The following EXOC4 variants were observed in gnomAD, a reference collection of about 807,000 sequenced individuals.
The protein encoded by EXOC4 is exocyst complex component 4, also known as SEC8-like 1.
Under a neutral mutation model 107.2 loss-of-function variants are expected in EXOC4, and 71 were observed. The observed-to-expected ratio is 0.66, with a 90% confidence interval of 0.55 to 0.81. The LOEUF is 0.81. Ranked by LOEUF, EXOC4 falls within the 30% of genes least tolerant of loss-of-function variation. The pLI is 0.00. For missense variants in EXOC4, 1,108 were observed against 1,189.6 expected, an observed-to-expected ratio of 0.93 and a Z score of 1.01; for synonymous variants, 456 against 441.2, an observed-to-expected ratio of 1.03 and a Z score of -0.42.
chr7:133,576,563 G>A, intron 9 of EXOC4: 1 of 1,289,752 alleles, frequency 7.8e-7, no homozygotes, highest in Non-Finnish European at 1.0e-6. Context: ...CAAAGGAGAG[G>A]ATCCCAATAA....
chr7:134,070,923 A>G (rs6957534), downstream of EXOC4, among the ~76,000 whole-genome samples: 4,557 of 152,306 alleles, frequency 0.03, 198 homozygotes, highest in African/African-American at 0.095. Flanking sequence ...CAGAAAACCC[A>G]GCAATCTTCT....
intron 7 of EXOC4, among the ~76,000 whole-genome samples, chr7:133,436,793 CTTTA>C (rs1395764386): frequency 1.3e-5 from 2 of 152,162 alleles, no homozygotes; most frequent in East Asian, 3.8e-4. Context: ...TACCCTCCCC[CTTTA>C]TTTTAGCTTG....
intron 10 of EXOC4, among the ~76,000 whole-genome samples, chr7:133,738,455 G>T (rs765299566): frequency 5.3e-5 from 8 of 152,174 alleles, no homozygotes; most frequent in Non-Finnish European, 8.8e-5. Flanking sequence ...TTCCTTTGGA[G>T]AAGAGCTTTA....
chr7:133,638,497 T>C (rs1176788201), intron 10 of EXOC4, among the ~76,000 whole-genome samples: 1 of 152,202 alleles, frequency 6.6e-6, no homozygotes, highest in Non-Finnish European at 1.5e-5. Flanking sequence ...TCAAGGAGTA[T>C]AGTTGACTTC....
intron 9 of EXOC4, among the ~76,000 whole-genome samples, chr7:133,589,344 C>G (rs1275390343): frequency 1.3e-5 from 2 of 152,160 alleles, no homozygotes; most frequent in Non-Finnish European, 1.5e-5. Flanking sequence ...ATGCCCTGAG[C>G]ATCTCAAAAA....
intron 5 of EXOC4, among the ~76,000 whole-genome samples, chr7:133,333,497 G>T (rs777041200): frequency 3.9e-5 from 6 of 152,062 alleles, no homozygotes; most frequent in Non-Finnish European, 8.8e-5. Context: ...TGAACACATT[G>T]CTGCTGGTGT....
chr7:133,540,778 G>T (rs1800364919), intron 9 of EXOC4, among the ~76,000 whole-genome samples: 1 of 152,064 alleles, frequency 6.6e-6, no homozygotes, highest in Non-Finnish European at 1.5e-5. Flanking sequence ...AAAGCTAATA[G>T]CTTCCCATTA....
intron 7 of EXOC4, among the ~76,000 whole-genome samples, chr7:133,387,163 G>A (rs181781010): frequency 1.6e-4 from 25 of 152,262 alleles, no homozygotes; most frequent in Non-Finnish European, 3.4e-4. Context: ...TAAGAGGCAG[G>A]ATTAGTAAGT....
chr7:133,327,257 G>C (rs1584815518), intron 5 of EXOC4, among the ~76,000 whole-genome samples: 2 of 152,214 alleles, frequency 1.3e-5, no homozygotes, highest in South Asian at 4.1e-4. Context: ...GATGAACCCA[G>C]TACCTCAGTT....
At chr7:133,926,872 T>G (rs1800063684) in intron 13 of EXOC4, among the ~76,000 whole-genome samples, 1 of 152,164 alleles carries the variant, frequency 6.6e-6, no homozygotes, top group Admixed American at 6.5e-5. Flanking sequence ...TTTGTGGTTT[T>G]ATGAAATTAG....
intron 10 of EXOC4, among the ~76,000 whole-genome samples, chr7:133,728,259 A>G (rs10954429): frequency 0.99 from 150,264 of 152,350 alleles, 74,151 homozygotes; most frequent in Middle Eastern, 1. Context: ...GTGAAACTTG[A>G]CTAGTAAGAA....
intron 9 of EXOC4, among the ~76,000 whole-genome samples, chr7:133,488,775 A>C (rs1387445478): frequency 6.6e-6 from 1 of 152,054 alleles, no homozygotes; most frequent in African/African-American, 2.4e-5. Context: ...AAGTTGTTGT[A>C]GAGTCACAAA....
At chr7:134,081,459 ACT>A in the EXOC4 span, among the ~76,000 whole-genome samples, 308 of 152,324 alleles carry the variant, frequency 2.0e-3, 3 homozygotes, top group African/African-American at 7.1e-3. Flanking sequence ...ATTCTGTATA[ACT>A]CAATCATTAA....
At chr7:134,073,205 C>CAAAAAAAAAAAAAAAAA in the EXOC4 span, among the ~76,000 whole-genome samples, 5 of 22,598 alleles carry the variant, frequency 2.2e-4, no homozygotes, top group African/African-American at 9.0e-4. Context: ...GACTTCCTCT[C>CAAAAAAAAAAAAAAAAA]AAAAAAAAAA....
At chr7:133,979,657 G>C (rs1034202905) in intron 14 of EXOC4, among the ~76,000 whole-genome samples, 1 of 151,860 alleles carries the variant, frequency 6.6e-6, no homozygotes, top group South Asian at 2.1e-4. Context: ...GCATGGTGGC[G>C]GGCGCCTGTA....
At chr7:133,323,445 C>A (rs1187588265) in intron 5 of EXOC4, among the ~76,000 whole-genome samples, 1 of 152,010 alleles carries the variant, frequency 6.6e-6, no homozygotes, top group Non-Finnish European at 1.5e-5. Flanking sequence ...TTGTCAAAGG[C>A]CTTTCTGGAT....
intron 10 of EXOC4, among the ~76,000 whole-genome samples, chr7:133,793,861 A>T (rs79675997): frequency 1.3e-5 from 2 of 151,978 alleles, no homozygotes; most frequent in African/African-American, 2.4e-5. Flanking sequence ...AAAATAAATA[A>T]AAATAAATAA....
intron 5 of EXOC4, among the ~76,000 whole-genome samples, chr7:133,340,320 T>C (rs927116792): frequency 2.6e-5 from 4 of 152,236 alleles, no homozygotes; most frequent in Non-Finnish European, 4.4e-5. Flanking sequence ...ATTTATTGTC[T>C]TTTGGATGTT....
intron 5 of EXOC4, among the ~76,000 whole-genome samples, chr7:133,340,800 T>A (rs1360798091): frequency 6.6e-6 from 1 of 152,162 alleles, no homozygotes. Context: ...GTAGGTTTTC[T>A]AGTTAATGCT....
Sources: allele counts gnomAD v4.1 joint callset (sites outside exome capture counted in the v4.1 genomes callset), GRCh38; gene constraint gnomAD v4.1.1; transcripts MANE v1.5; gene names NCBI Gene and HGNC (gene_info 2026-07-23, HGNC 2026-07-21).